RALYL: variants seen among roughly 807,000 people sequenced by gnomAD.
RALYL encodes RNA-binding Raly-like protein.
RALYL carries 29 observed loss-of-function variants against 35.1 expected under a neutral mutation model. The observed-to-expected ratio is 0.83, with a 90% confidence interval of 0.61 to 1.13. The LOEUF is 1.13. Ranked by LOEUF, RALYL falls within the 50% of genes most tolerant of loss-of-function variation. RALYL has a pLI of 0.00. For missense variants in RALYL, 359 were observed against 360.4 expected (o/e 1.00, Z 0.03); for synonymous variants, 120 against 127.6 (o/e 0.94, Z 0.40).
chr8:84,567,063 GA>G (rs2061831212), intron 2 of RALYL, among the ~76,000 whole-genome samples: 1 of 151,716 alleles, frequency 6.6e-6, no homozygotes, highest in South Asian at 2.1e-4. Context: ...ATCAGCCTAA[GA>G]ATTGACCTTT....
intron 2 of RALYL, among the ~76,000 whole-genome samples, chr8:84,715,675 G>A (rs1213561066): frequency 6.6e-6 from 1 of 152,014 alleles, no homozygotes; most frequent in Non-Finnish European, 1.5e-5. Flanking sequence ...TCTCTGCAGT[G>A]ATTTTAGTAA....
chr8:84,247,649 G>T (rs765930963), intron 1 of RALYL, among the ~76,000 whole-genome samples: 1 of 151,926 alleles, frequency 6.6e-6, no homozygotes, highest in Non-Finnish European at 1.5e-5. Flanking sequence ...TTTAGTTTTG[G>T]TTATTCTAAA....
chr8:84,708,351 G>A (rs1470560691), intron 2 of RALYL, among the ~76,000 whole-genome samples: 1 of 152,090 alleles, frequency 6.6e-6, no homozygotes, highest in Non-Finnish European at 1.5e-5. Flanking sequence ...TACAAGAGGA[G>A]GAGAGGGAGG....
intron 3 of RALYL, among the ~76,000 whole-genome samples, chr8:84,782,476 C>G (rs1439875840): frequency 1.3e-5 from 2 of 152,222 alleles, no homozygotes; most frequent in Non-Finnish European, 2.9e-5. Context: ...ATCATTCTTA[C>G]AGTTGGCAGG....
chr8:84,551,251 G>T (rs1331741944), intron 2 of RALYL, among the ~76,000 whole-genome samples: 1 of 151,924 alleles, frequency 6.6e-6, no homozygotes, highest in Non-Finnish European at 1.5e-5. Context: ...ATTATGTCAA[G>T]TTTCTTTAAC....
intron 1 of RALYL, among the ~76,000 whole-genome samples, chr8:84,218,170 A>G (rs1563551093): frequency 6.6e-6 from 1 of 152,058 alleles, no homozygotes; most frequent in African/African-American, 2.4e-5. Context: ...AGTCATAGAA[A>G]ATTTATTTAA....
intron 1 of RALYL, among the ~76,000 whole-genome samples, chr8:84,285,255 A>T (rs1297871756): frequency 6.6e-6 from 1 of 152,246 alleles, no homozygotes; most frequent in African/African-American, 2.4e-5. Flanking sequence ...CAGTGCTACA[A>T]TCCCAAAATA....
At chr8:84,693,099 A>G (rs1271241397) in intron 2 of RALYL, among the ~76,000 whole-genome samples, 2 of 152,150 alleles carry the variant, frequency 1.3e-5, no homozygotes, top group East Asian at 1.9e-4. Context: ...GTAATTTGTT[A>G]AAGCAACAAT....
chr8:84,901,886 T>C (rs1845761016), intron 8 of RALYL, among the ~76,000 whole-genome samples: 1 of 152,102 alleles, frequency 6.6e-6, no homozygotes, highest in Non-Finnish European at 1.5e-5. Context: ...ATTTGGAGGA[T>C]CTATGTCTGG....
At chr8:84,300,843 T>C (rs749004842) in intron 1 of RALYL, among the ~76,000 whole-genome samples, 5 of 152,008 alleles carry the variant, frequency 3.3e-5, no homozygotes, top group Admixed American at 1.3e-4. Flanking sequence ...TTATTCAACT[T>C]GCCAGCATAC....
chr8:84,857,439 C>A (rs1355198156), intron 5 of RALYL, among the ~76,000 whole-genome samples: 2 of 152,134 alleles, frequency 1.3e-5, no homozygotes, highest in Non-Finnish European at 2.9e-5. Context: ...AGGTAAATAC[C>A]AGAAAATGTT....
At chr8:84,275,993 C>G (rs1034980532) in intron 1 of RALYL, among the ~76,000 whole-genome samples, 1 of 152,010 alleles carries the variant, frequency 6.6e-6, no homozygotes, top group African/African-American at 2.4e-5. Flanking sequence ...AGTCTGCACT[C>G]GGTGGCATAT....
intron 2 of RALYL, among the ~76,000 whole-genome samples, chr8:84,667,697 C>T (rs1832360351): frequency 1.3e-5 from 2 of 152,138 alleles, no homozygotes; most frequent in African/African-American, 2.4e-5. Flanking sequence ...TTCAGATTGG[C>T]TCCAGAGAAC....
intron 1 of RALYL, among the ~76,000 whole-genome samples, chr8:84,253,486 C>G (rs1450282282): frequency 6.6e-6 from 1 of 151,542 alleles, no homozygotes; most frequent in Non-Finnish European, 1.5e-5. Context: ...AGGCGTGAGC[C>G]ACTGCACCTG....
At chr8:84,269,142 A>C (rs964272961) in intron 1 of RALYL, among the ~76,000 whole-genome samples, 3 of 152,152 alleles carry the variant, frequency 2.0e-5, no homozygotes, top group Admixed American at 6.6e-5. Context: ...TAGGTCTTTC[A>C]AGAGCAATAC....
intron 1 of RALYL, among the ~76,000 whole-genome samples, chr8:84,279,113 A>C (rs1441808963): frequency 2.0e-5 from 3 of 152,176 alleles, no homozygotes; most frequent in Admixed American, 6.6e-5. Flanking sequence ...CATGGCTTAC[A>C]TGGCAGCAGG....
intron 1 of RALYL, among the ~76,000 whole-genome samples, chr8:84,341,582 C>T (rs1848798831): frequency 6.6e-6 from 1 of 151,928 alleles, no homozygotes; most frequent in Non-Finnish European, 1.5e-5. Context: ...TGTTTACAAA[C>T]TAATTTAAAT....
At chr8:84,604,969 TTC>T (rs2130796341) in intron 2 of RALYL, among the ~76,000 whole-genome samples, 1 of 137,960 alleles carries the variant, frequency 7.2e-6, no homozygotes, top group Admixed American at 6.9e-5. Context: ...CATTCTGTTC[TTC>T]AAACAATTCT....
rs192540806 is a variant in RALYL at position 84,747,604 on chromosome 8, G to A, written c.257-26975G>A. 8.6e-5 allele frequency among the ~76,000 whole-genome samples: 13 copies of A among 151,918 alleles called. No homozygotes were observed. The East Asian group carries it at 1.5e-3, about 18-fold the overall frequency. Reference sequence around the variant, plus strand: ...GCATACAGTCTTCCTAAGAACATAAGCAGTTCTTGTAAAGATTTCTAAATT... The same window carrying A: ...GCATACAGTCTTCCTAAGAACATAAACAGTTCTTGTAAAGATTTCTAAATT... On this transcript the variant is annotated intron_variant, in intron 2 of 8. Coordinates refer to ENST00000521268, the MANE Select transcript of RALYL (RefSeq NM_173848.7).
Sources: allele counts gnomAD v4.1 joint callset (sites outside exome capture counted in the v4.1 genomes callset), GRCh38; gene constraint gnomAD v4.1.1; transcripts MANE v1.5; gene names NCBI Gene and HGNC (gene_info 2026-07-23, HGNC 2026-07-21).